Variants in PCDH7 observed in about 807,000 individuals in gnomAD.
PCDH7 encodes protocadherin 7.
Under a neutral mutation model 58.9 loss-of-function variants are expected in PCDH7, and 17 were observed. The observed-to-expected ratio is 0.29, with a 90% CI of 0.20 to 0.43. The LOEUF is 0.43. PCDH7 is among the 20% of genes least tolerant of loss of function. The pLI is 1.00. For missense variants in PCDH7, 1,274 were observed against 1,441.0 expected (o/e 0.88, Z 1.88); for synonymous variants, 664 against 616.4 (o/e 1.08, Z -1.14).
intron 3 of PCDH7, among the ~76,000 whole-genome samples, chr4:30,971,819 G>A (rs1002862107): frequency 2.6e-5 from 4 of 152,220 alleles, no homozygotes; most frequent in African/African-American, 4.8e-5. Flanking sequence ...AAAATTAGCC[G>A]TGCATGGTGG....
chr4:30,920,120 T>C, intron 1 of PCDH7, 33 bp from the exon 2 acceptor site: 1 of 1,345,982 alleles, frequency 7.4e-7, no homozygotes, highest in Non-Finnish European at 1.0e-6. Context: ...CAATCTTACA[T>C]CGTAGTGACA....
intron 1 of PCDH7, among the ~76,000 whole-genome samples, chr4:30,870,194 A>G (rs1735394729): frequency 6.6e-6 from 1 of 152,058 alleles, no homozygotes; most frequent in Non-Finnish European, 1.5e-5. Flanking sequence ...GCCCTCTGTC[A>G]AGTGGATAGA....
intron 3 of PCDH7, among the ~76,000 whole-genome samples, chr4:31,127,822 A>G (rs945570018): frequency 6.6e-6 from 1 of 152,094 alleles, no homozygotes; most frequent in Non-Finnish European, 1.5e-5. Context: ...GCATATTAAA[A>G]TTATATTATG....
intron 1 of PCDH7, among the ~76,000 whole-genome samples, chr4:30,877,420 G>A (rs561186930): frequency 6.6e-6 from 1 of 152,280 alleles, no homozygotes; most frequent in African/African-American, 2.4e-5. Flanking sequence ...GTGAGAGATG[G>A]GCAGTAAGAA....
intron 1 of PCDH7, among the ~76,000 whole-genome samples, chr4:30,761,743 A>T (rs1180060418): frequency 6.6e-6 from 1 of 152,246 alleles, no homozygotes; most frequent in Non-Finnish European, 1.5e-5. Flanking sequence ...AAATAAGAAT[A>T]TGCTTTATTT....
chr4:30,949,460 A>C (rs1008159743), intron 2 of PCDH7, among the ~76,000 whole-genome samples: 2 of 152,146 alleles, frequency 1.3e-5, no homozygotes, highest in African/African-American at 4.8e-5. Context: ...ATTTATTTTT[A>C]TAAAATTCTG....
chr4:31,042,484 GTA>G (rs1198375559), intron 3 of PCDH7, among the ~76,000 whole-genome samples: 2 of 152,072 alleles, frequency 1.3e-5, no homozygotes, highest in African/African-American at 2.4e-5. Flanking sequence ...GTCTATATGG[GTA>G]TGTGTGTGTG....
At chr4:31,056,648 GAA>G (rs1757279196) in intron 3 of PCDH7, among the ~76,000 whole-genome samples, 1 of 147,870 alleles carries the variant, frequency 6.8e-6, no homozygotes, top group Non-Finnish European at 1.5e-5. Flanking sequence ...GAGAGAGAGA[GAA>G]AGAGAGAGAG....
intron 3 of PCDH7, among the ~76,000 whole-genome samples, chr4:30,968,376 CTATATATATATATATA>C (rs60085619): frequency 1.5e-4 from 10 of 67,066 alleles, no homozygotes; most frequent in East Asian, 4.8e-4. Context: ...TATACACACA[CTATATATATATATATA>C]TATATATATA....
At chr4:31,116,773 T>C (rs1717040277) in intron 3 of PCDH7, among the ~76,000 whole-genome samples, 1 of 152,188 alleles carries the variant, frequency 6.6e-6, no homozygotes, top group African/African-American at 2.4e-5. Context: ...CACTATACCA[T>C]AAATAACATA....
chr4:30,757,263 T>C (rs150696521), intron 1 of PCDH7, among the ~76,000 whole-genome samples: 16 of 152,328 alleles, frequency 1.1e-4, no homozygotes, highest in Non-Finnish European at 1.3e-4. Context: ...TCCTCAAATG[T>C]TCTACCTTTC....
intron 3 of PCDH7, among the ~76,000 whole-genome samples, chr4:30,974,248 T>TC (rs1308433405): frequency 4.0e-5 from 6 of 149,152 alleles, no homozygotes; most frequent in African/African-American, 1.5e-4. Context: ...CTTTCTTTCT[T>TC]CCTTTCCTTT....
In PCDH7 at chr4:30,994,355, G is replaced by T. The variant is rs576582870; in HGVS notation, c.*7+44140G>T. 5.9e-5 allele frequency among the ~76,000 whole-genome samples: 9 copies of T among 152,172 alleles called. No individual in the cohort carries two copies. The South Asian group carries it at 1.9e-3, about 32-fold the overall frequency. ...CTGTTCAGTATCTCTGAACTGACAC[G>T]ATGACCCATGACAGCTTTGTTGTAC... On this transcript the variant is annotated intron_variant, in intron 3 of 3. Coordinates refer to the PCDH7 transcript ENST00000509759.
chr4:30,781,266 G>A (rs977749732), intron 1 of PCDH7, among the ~76,000 whole-genome samples: 1 of 146,158 alleles, frequency 6.8e-6, no homozygotes, highest in Non-Finnish European at 1.5e-5. Flanking sequence ...TCAGCCTTCC[G>A]AGTAGCTGGG....
chr4:30,805,478 A>G (rs529206980), intron 1 of PCDH7, among the ~76,000 whole-genome samples: 5 of 152,352 alleles, frequency 3.3e-5, no homozygotes, highest in Admixed American at 1.3e-4. Context: ...AAATAAGTAA[A>G]TACATATAAA....
intron 1 of PCDH7, among the ~76,000 whole-genome samples, chr4:30,858,820 TAA>T (rs1379590063): frequency 6.6e-6 from 1 of 152,156 alleles, no homozygotes; most frequent in Non-Finnish European, 1.5e-5. Context: ...TTTTTAAACT[TAA>T]GTGTGTCCTG....
intron 1 of PCDH7, among the ~76,000 whole-genome samples, chr4:30,752,305 CG>C (rs1168453079): frequency 1.1e-4 from 17 of 151,720 alleles, no homozygotes; most frequent in African/African-American, 3.6e-4. Context: ...GCTAATTTTT[CG>C]TATTTTTAGT....
intron 3 of PCDH7, among the ~76,000 whole-genome samples, chr4:31,047,905 G>A (rs540356768): frequency 6.6e-5 from 10 of 152,154 alleles, no homozygotes; most frequent in African/African-American, 1.7e-4. Flanking sequence ...TTAGACTGTA[G>A]TGACTTCTTA....
chr4:31,092,280 A>C (rs925931268), intron 3 of PCDH7, among the ~76,000 whole-genome samples: 3 of 152,176 alleles, frequency 2.0e-5, no homozygotes, highest in South Asian at 4.1e-4. Context: ...TGAAGTTGAA[A>C]TAATAAATGA....
Sources: allele counts gnomAD v4.1 joint callset (sites outside exome capture counted in the v4.1 genomes callset), GRCh38; gene constraint gnomAD v4.1.1; transcripts MANE v1.5; gene names NCBI Gene and HGNC (gene_info 2026-07-23, HGNC 2026-07-21).